Variants in TRPM3 observed in about 807,000 individuals in gnomAD.
TRPM3 encodes transient receptor potential cation channel subfamily M member 3.
A neutral mutation model predicts 181.2 loss-of-function variants in TRPM3; 77 were observed. The ratio of observed to expected loss-of-function variants is 0.42; its 90% CI spans 0.35 to 0.51. The LOEUF is 0.51. Ranked by LOEUF, TRPM3 falls within the 20% of genes least tolerant of loss-of-function variation. The pLI is 0.01. For synonymous variants in TRPM3, 745 were observed against 796.4 expected, an observed-to-expected ratio of 0.94 and a Z score of 1.09; for missense variants, 1,759 against 2,196.7, an observed-to-expected ratio of 0.80 and a Z score of 3.98.
intron 1 of TRPM3, among the ~76,000 whole-genome samples, chr9:71,128,339 G>A (rs2074175550): frequency 6.6e-6 from 1 of 152,092 alleles, no homozygotes; most frequent in Non-Finnish European, 1.5e-5. Flanking sequence ...ACCAAAAAAT[G>A]TATAACAGAT....
intron 1 of TRPM3, among the ~76,000 whole-genome samples, chr9:70,962,812 A>C (rs2097149824): frequency 6.6e-6 from 1 of 152,156 alleles, no homozygotes; most frequent in Non-Finnish European, 1.5e-5. Flanking sequence ...ATGGAAAGAG[A>C]AACTGCAAAA....
At chr9:70,538,765 A>C (rs796221656) in intron 25 of TRPM3, among the ~76,000 whole-genome samples, 1 of 152,170 alleles carries the variant, frequency 6.6e-6, no homozygotes, top group South Asian at 2.1e-4. Context: ...TTTCATTTCT[A>C]TGTGGCCAAC....
intron 12 of TRPM3, among the ~76,000 whole-genome samples, chr9:70,629,666 C>A (rs958134083): frequency 5.9e-5 from 9 of 152,086 alleles, no homozygotes; most frequent in African/African-American, 2.2e-4. Flanking sequence ...TTTATATGTA[C>A]TATAAGGCCA....
At chr9:71,191,655 TA>T (rs1235403564) in intron 1 of TRPM3, among the ~76,000 whole-genome samples, 1 of 151,762 alleles carries the variant, frequency 6.6e-6, no homozygotes, top group African/African-American at 2.4e-5. Flanking sequence ...GCCTACAAGA[TA>T]AAAACCATTT....
At chr9:71,070,803 A>G (rs2062659559) in intron 1 of TRPM3, among the ~76,000 whole-genome samples, 1 of 152,192 alleles carries the variant, frequency 6.6e-6, no homozygotes, top group Non-Finnish European at 1.5e-5. Flanking sequence ...TTCTCATCGT[A>G]TCTGCAGCAC....
intron 1 of TRPM3, among the ~76,000 whole-genome samples, chr9:71,432,323 CT>C (rs67905820): frequency 0.046 from 3,515 of 76,498 alleles, 31 homozygotes; most frequent in East Asian, 0.11. Context: ...AAAAGTAGGA[CT>C]TTTTTTTTTT....
chr9:71,261,792 G>T (rs2083074041), intron 1 of TRPM3, among the ~76,000 whole-genome samples: 2 of 152,126 alleles, frequency 1.3e-5, no homozygotes, highest in African/African-American at 4.8e-5. Flanking sequence ...TTTGTTGTGG[G>T]TCCACTCCAG....
intron 1 of TRPM3, among the ~76,000 whole-genome samples, chr9:71,296,983 CTTTTCT>C (rs2086321614): frequency 1.6e-5 from 2 of 126,506 alleles, no homozygotes; most frequent in South Asian, 5.1e-4. Flanking sequence ...GGATGTGAAT[CTTTTCT>C]TTTTTTTTTT....
chr9:71,372,914 A>T (rs1024286236), intron 1 of TRPM3, among the ~76,000 whole-genome samples: 1 of 152,188 alleles, frequency 6.6e-6, no homozygotes, highest in African/African-American at 2.4e-5. Context: ...AACTGAAATA[A>T]TAAACAGTCT....
At chr9:71,264,184 A>G (rs1290338872) in intron 1 of TRPM3, among the ~76,000 whole-genome samples, 1 of 151,986 alleles carries the variant, frequency 6.6e-6, no homozygotes, top group African/African-American at 2.4e-5. Context: ...ATTCTGAAGT[A>G]GGAGAAGAAT....
intron 1 of TRPM3, among the ~76,000 whole-genome samples, chr9:71,202,895 T>C (rs1435489770): frequency 6.6e-6 from 1 of 152,216 alleles, no homozygotes; most frequent in African/African-American, 2.4e-5. Context: ...TGCTCTCTCA[T>C]GGGTATTAGA....
intron 1 of TRPM3, among the ~76,000 whole-genome samples, chr9:71,097,253 A>T (rs1291696572): frequency 1.3e-5 from 2 of 152,138 alleles, no homozygotes; most frequent in Non-Finnish European, 2.9e-5. Flanking sequence ...CAGAACACTT[A>T]GGATATATGG....
chr9:70,915,584 C>T (rs1164656702), intron 1 of TRPM3, among the ~76,000 whole-genome samples: 5 of 151,636 alleles, frequency 3.3e-5, no homozygotes, highest in Admixed American at 2.0e-4. Context: ...GGATTACAGG[C>T]ATGAGCCACC....
intron 1 of TRPM3, among the ~76,000 whole-genome samples, chr9:71,059,350 T>G (rs896560211): frequency 6.6e-6 from 1 of 151,992 alleles, no homozygotes; most frequent in African/African-American, 2.4e-5. Flanking sequence ...TGGCTATTTA[T>G]TAAAAAGTTA....
intron 12 of TRPM3, among the ~76,000 whole-genome samples, chr9:70,630,341 G>C (rs1001498773): frequency 1.3e-5 from 2 of 152,184 alleles, no homozygotes; most frequent in African/African-American, 4.8e-5. Flanking sequence ...ACTCCTTTCG[G>C]CCCACTGGCC....
intron 1 of TRPM3, among the ~76,000 whole-genome samples, chr9:71,413,478 T>G (rs1392277737): frequency 6.6e-6 from 1 of 152,092 alleles, no homozygotes; most frequent in Non-Finnish European, 1.5e-5. Context: ...CACAGGCAGT[T>G]AAGCGCCCAA....
At chr9:71,289,421 G>C (rs568077050) in intron 1 of TRPM3, among the ~76,000 whole-genome samples, 2 of 152,128 alleles carry the variant, frequency 1.3e-5, no homozygotes, top group African/African-American at 4.8e-5. Context: ...CTGAGGAAAA[G>C]TTTGTGCACT....
chr9:71,003,654 G>A (rs1300743338), intron 1 of TRPM3, among the ~76,000 whole-genome samples: 1 of 152,062 alleles, frequency 6.6e-6, no homozygotes, highest in Non-Finnish European at 1.5e-5. Context: ...ATGTATCTCA[G>A]TGTAGGTTGA....
At chr9:71,409,503 G>A (rs960013706) in intron 1 of TRPM3, among the ~76,000 whole-genome samples, 1 of 152,088 alleles carries the variant, frequency 6.6e-6, no homozygotes. Context: ...AAGATCAAAG[G>A]AGGCAAAGAA....
Sources: allele counts gnomAD v4.1 joint callset (sites outside exome capture counted in the v4.1 genomes callset), GRCh38; gene constraint gnomAD v4.1.1; transcripts MANE v1.5; gene names NCBI Gene and HGNC (gene_info 2026-07-23, HGNC 2026-07-21).